TMEM50B: variants seen among roughly 807,000 people sequenced by gnomAD.
The protein encoded by TMEM50B is transmembrane protein 50B, also known as HCV p7-trans-regulated protein 3.
TMEM50B carries 14 observed loss-of-function variants against 23.4 expected under a neutral mutation model. That is an observed-to-expected ratio of 0.60 (90% CI 0.39 to 0.93). The LOEUF is 0.93. Among genes scored for constraint, TMEM50B ranks in the 40% least tolerant of loss-of-function variants. The probability of loss-of-function intolerance (pLI) is 0.00; values close to 1 mark genes in which losing one functional copy is unlikely to be tolerated. For missense variants in TMEM50B, 159 were observed against 193.0 expected, an observed-to-expected ratio of 0.82 and a Z score of 1.04; for synonymous variants, 64 against 62.3, an observed-to-expected ratio of 1.03 and a Z score of -0.13.
chr21:33,445,216 C>T (rs1475627016), downstream of TMEM50B, among the ~76,000 whole-genome samples: 1 of 152,110 alleles, frequency 6.6e-6, no homozygotes, highest in Admixed American at 6.6e-5. Flanking sequence ...AAATCAAAGA[C>T]CCAGCACTCT....
At chr21:33,465,303 GT>G (rs1339077041) in intron 4 of TMEM50B, 38 bp downstream of exon 4, 1 of 1,528,322 alleles carries the variant, frequency 6.5e-7, no homozygotes, top group Non-Finnish European at 9.0e-7. Context: ...ACAAATTTCT[GT>G]TTTGTCAACA....
At chr21:33,477,553 C>T (rs932795828) in intron 1 of TMEM50B, among the ~76,000 whole-genome samples, 16 of 151,622 alleles carry the variant, frequency 1.1e-4, no homozygotes, top group Non-Finnish European at 2.2e-4. Flanking sequence ...AAAAGTAAAA[C>T]GGGCTAGGTA....
intron 5 of TMEM50B, 128 bp from the exon 6 acceptor site, chr21:33,455,912 C>T: frequency 1.3e-6 from 1 of 758,148 alleles, no homozygotes; most frequent in Non-Finnish European, 2.4e-6. Context: ...AACTGTAAGA[C>T]ATCTATAATG....
At chr21:33,453,949 CA>C (rs2084145666) in intron 6 of TMEM50B, among the ~76,000 whole-genome samples, 1 of 151,722 alleles carries the variant, frequency 6.6e-6, no homozygotes, top group South Asian at 2.1e-4. Context: ...ACTAAAAATA[CA>C]AAAATTAGCT....
intron 2 of TMEM50B, among the ~76,000 whole-genome samples, chr21:33,467,831 A>G (rs2084277958): frequency 6.6e-6 from 1 of 151,958 alleles, no homozygotes; most frequent in Non-Finnish European, 1.5e-5. Context: ...TAGGTGTAGA[A>G]CTGTACATTG....
downstream of TMEM50B, among the ~76,000 whole-genome samples, chr21:33,446,679 CCTCT>C (rs1568973095): frequency 1.6e-4 from 16 of 102,300 alleles, no homozygotes; most frequent in African/African-American, 3.3e-4. Flanking sequence ...AAAAAAAAAA[CCTCT>C]AAGAAAGAAA....
At chr21:33,476,968 G>A (rs2084379420) in intron 1 of TMEM50B, among the ~76,000 whole-genome samples, 1 of 151,814 alleles carries the variant, frequency 6.6e-6, no homozygotes, top group Admixed American at 6.6e-5. Flanking sequence ...GTATATTAGG[G>A]TACATCCAAA....
At chr21:33,456,385 T>C (rs2084168767) in intron 5 of TMEM50B, among the ~76,000 whole-genome samples, 3 of 152,322 alleles carry the variant, frequency 2.0e-5, no homozygotes, top group Admixed American at 1.3e-4. Flanking sequence ...AGTTTTATCA[T>C]GCAAATATGT....
intron 1 of TMEM50B, chr21:33,469,780 T>G (rs1173585687): frequency 1.3e-5 from 2 of 152,196 alleles, no homozygotes; most frequent in Non-Finnish European, 2.9e-5. Context: ...TAAAGACACT[T>G]TTAGGTAACT....
intron 8 of TMEM50B, among the ~76,000 whole-genome samples, chr21:33,438,166 C>G (rs894555922): frequency 3.3e-5 from 5 of 152,068 alleles, no homozygotes; most frequent in African/African-American, 1.2e-4. Flanking sequence ...CACCCGTAGT[C>G]CCAGCTACTC....
chr21:33,441,429 G>A (rs2084007933), intron 7 of TMEM50B, among the ~76,000 whole-genome samples: 1 of 152,042 alleles, frequency 6.6e-6, no homozygotes, highest in African/African-American at 2.4e-5. Flanking sequence ...GAAAACAAAG[G>A]TTCTTAAAGG....
intron 3 of TMEM50B, 59 bp downstream of exon 3, chr21:33,466,951 T>C: frequency 1.4e-6 from 2 of 1,416,690 alleles, no homozygotes; most frequent in South Asian, 2.4e-5. Context: ...GCACTGCACA[T>C]TAACAGGAAA....
downstream of TMEM50B, among the ~76,000 whole-genome samples, chr21:33,445,818 G>A (rs1179573986): frequency 6.6e-6 from 1 of 152,050 alleles, no homozygotes; most frequent in Non-Finnish European, 1.5e-5. Context: ...GCCTACTTGT[G>A]TGAATCACTT....
chr21:33,437,094 T>C (rs1473615648), intron 8 of TMEM50B: 2 of 835,098 alleles, frequency 2.4e-6, no homozygotes, highest in African/African-American at 1.7e-5. Context: ...CCTGCAGACA[T>C]GAGAGACAGC....
intron 7 of TMEM50B, among the ~76,000 whole-genome samples, chr21:33,442,920 C>CAA (rs5843605): frequency 1.6e-4 from 23 of 146,314 alleles, no homozygotes; most frequent in Admixed American, 4.8e-4. Flanking sequence ...GACTCTGTCT[C>CAA]AAAAAAAAAA....
At chr21:33,462,790 T>A (rs1412237349) in intron 4 of TMEM50B, among the ~76,000 whole-genome samples, 1 of 152,230 alleles carries the variant, frequency 6.6e-6, no homozygotes, top group African/African-American at 2.4e-5. Flanking sequence ...TAATATATAT[T>A]TTTTCTTTAC....
chr21:33,453,901 C>T (rs952243653), intron 6 of TMEM50B, among the ~76,000 whole-genome samples: 2 of 151,934 alleles, frequency 1.3e-5, no homozygotes, highest in African/African-American at 2.4e-5. Flanking sequence ...GTCAGGAGTT[C>T]GAGACCGGCC....
At chr21:33,457,795 A>G (rs2084183116) in intron 5 of TMEM50B, among the ~76,000 whole-genome samples, 2 of 152,200 alleles carry the variant, frequency 1.3e-5, no homozygotes, top group Non-Finnish European at 2.9e-5. Flanking sequence ...GCTAAAGTAA[A>G]TAAGCAGGAA....
intron 7 of TMEM50B, among the ~76,000 whole-genome samples, chr21:33,443,027 T>C (rs140634968): frequency 7.4e-4 from 112 of 152,288 alleles, no homozygotes; most frequent in Admixed American, 1.2e-3. Context: ...TAACTGTAAA[T>C]ATTAATTCAA....
Sources: gnomAD v4.1 joint callset for allele counts (sites outside exome capture counted in the v4.1 genomes callset) on GRCh38, gnomAD v4.1.1 for gene constraint, MANE v1.5 for transcripts, NCBI Gene and HGNC (gene_info 2026-07-23, HGNC 2026-07-21) for gene names.